The following AK8 variants were observed in gnomAD, a reference collection of about 807,000 sequenced individuals.
AK8 encodes adenylate kinase 8.
AK8 carries 44 observed loss-of-function variants against 54.6 expected under a neutral mutation model. That is an observed-to-expected ratio of 0.81 (90% CI 0.63 to 1.04). The LOEUF is 1.04. AK8 is among the 50% of genes least tolerant of loss of function. The pLI is 0.00. For missense variants in AK8, 555 were observed against 613.6 expected (o/e 0.90, Z 1.01); for synonymous variants, 239 against 245.6 (o/e 0.97, Z 0.25).
chr9:132,789,597 C>CAAAAAA (rs578003731), intron 11 of AK8, among the ~76,000 whole-genome samples: 32 of 57,428 alleles, frequency 5.6e-4, no homozygotes, highest in Admixed American at 1.1e-3. Flanking sequence ...ACTCATCTCA[C>CAAAAAA]AAAAAAAAAA....
intron 11 of AK8, among the ~76,000 whole-genome samples, chr9:132,746,331 A>G (rs1837652875): frequency 6.6e-6 from 1 of 152,124 alleles, no homozygotes; most frequent in South Asian, 2.1e-4. Flanking sequence ...CACTTTTGCG[A>G]GTAGGGCCTG....
At chr9:132,812,018 A>G (rs1841038085) in intron 10 of AK8, among the ~76,000 whole-genome samples, 1 of 152,154 alleles carries the variant, frequency 6.6e-6, no homozygotes, top group African/African-American at 2.4e-5. Context: ...CTATCTGGTT[A>G]GTGGGGAATT....
At chr9:132,873,525 A>G (rs1843948994) in intron 2 of AK8, among the ~76,000 whole-genome samples, 1 of 151,928 alleles carries the variant, frequency 6.6e-6, no homozygotes. Flanking sequence ...TTTTTACTTT[A>G]CTTTTACTCT....
chr9:132,827,836 T>A (rs1841936924), intron 7 of AK8, 177 bp downstream of exon 7: 2 of 602,160 alleles, frequency 3.3e-6, no homozygotes, highest in Non-Finnish European at 5.8e-6. Flanking sequence ...TTTCCTCATC[T>A]ACCAGAATGT....
chr9:132,829,848 C>A (rs1479580341), intron 5 of AK8, among the ~76,000 whole-genome samples: 3 of 152,174 alleles, frequency 2.0e-5, no homozygotes, highest in Non-Finnish European at 2.9e-5. Flanking sequence ...AGCCACTGTG[C>A]CTGGCCTTTA....
At chr9:132,859,514 A>AC (rs1554805090) in intron 4 of AK8, among the ~76,000 whole-genome samples, 1 of 148,678 alleles carries the variant, frequency 6.7e-6, no homozygotes, top group African/African-American at 2.5e-5. Context: ...ACCCAGCCAG[A>AC]TTTTTTTTTT....
At chr9:132,827,075 A>G (rs1249547840) in intron 7 of AK8, 21 bp from the exon 8 acceptor site, 1 of 1,611,802 alleles carries the variant, frequency 6.2e-7, no homozygotes, top group African/African-American at 1.3e-5. Context: ...AGAGGTGCAC[A>G]GTTAGAAATG....
intron 11 of AK8, among the ~76,000 whole-genome samples, chr9:132,751,679 G>A (rs1389840164): frequency 2.0e-5 from 3 of 151,802 alleles, no homozygotes; most frequent in African/African-American, 7.2e-5. Flanking sequence ...CTTGTGTGAC[G>A]GCTGACGAGC....
chr9:132,777,574 T>C (rs1839276950), intron 11 of AK8, among the ~76,000 whole-genome samples: 1 of 152,220 alleles, frequency 6.6e-6, no homozygotes, highest in Non-Finnish European at 1.5e-5. Context: ...CAATTCATCA[T>C]TCCCACCCAT....
chr9:132,725,614 C>G lies in AK8; in HGVS notation c.*74G>C, dbSNP rs1254318507. The G allele has an allele frequency of 5.2e-6, 7 of 1,342,034 alleles. No homozygotes were observed. In the African/African-American group the frequency reaches 5.8e-5, roughly 11 times the overall value. The allele number at this position is 1,342,034 out of a possible 1,614,324, so 83.1% of individuals were successfully genotyped here. A position where few individuals can be genotyped will look rare whatever the true frequency, so the allele number is the denominator to read the frequency against. On this transcript the variant is annotated 3_prime_UTR_variant, in exon 13 of 13. Coordinates refer to ENST00000298545, the MANE Select transcript of AK8 (RefSeq NM_152572.3). ...AGGCTTTATTGGCTTTTTAGGGGAG[C>G]TGTGCCGAGGCTGGGGGGCTGGGGG... is the stretch of plus-strand genomic sequence containing the variant.
intron 2 of AK8, among the ~76,000 whole-genome samples, chr9:132,874,861 G>A (rs1206490481): frequency 6.6e-6 from 1 of 152,166 alleles, no homozygotes; most frequent in Admixed American, 6.5e-5. Context: ...AACTTGGCAA[G>A]AGAATTTTTA....
chr9:132,804,957 C>T (rs112248005), intron 10 of AK8, among the ~76,000 whole-genome samples: 60 of 152,324 alleles, frequency 3.9e-4, no homozygotes, highest in African/African-American at 1.2e-3. Flanking sequence ...TCCCGTCAGG[C>T]GAGGATGTTC....
rs1227888688 is a variant in AK8, at chr9:132,763,228, T to G, written c.1121+29406A>C. ...TTTTGGGGGAAAGTCACAACAAATT[T>G]TAAAGAATTGATATCATATCAAGTA... On this transcript the variant is annotated intron_variant, in intron 11 of 12. Coordinates refer to ENST00000298545, the MANE Select transcript of AK8 (RefSeq NM_152572.3). 2.0e-5 allele frequency among the ~76,000 whole-genome samples: 3 copies of G among 152,152 alleles called. No individual in the cohort carries two copies. The East Asian group carries it at 5.8e-4, about 29-fold the overall frequency.
intron 6 of AK8, 68 bp downstream of exon 6, chr9:132,828,577 G>T: frequency 7.1e-7 from 1 of 1,411,996 alleles, no homozygotes; most frequent in Non-Finnish European, 9.8e-7. Flanking sequence ...CAGCATGAGC[G>T]GGGCGCTCAC....
chr9:132,726,375 C>T (rs554412148), intron 12 of AK8, among the ~76,000 whole-genome samples: 3 of 151,074 alleles, frequency 2.0e-5, no homozygotes, highest in East Asian at 3.9e-4. Flanking sequence ...AGTGCAGTGG[C>T]GCGATCTTCG....
chr9:132,787,747 A>T (rs215157), intron 11 of AK8, among the ~76,000 whole-genome samples: 2 of 151,988 alleles, frequency 1.3e-5, no homozygotes, highest in Non-Finnish European at 2.9e-5. Context: ...TGTTGTGTAC[A>T]GGCATAAAGG....
intron 10 of AK8, among the ~76,000 whole-genome samples, chr9:132,813,590 G>C (rs924472503): frequency 6.6e-6 from 1 of 152,244 alleles, no homozygotes; most frequent in Non-Finnish European, 1.5e-5. Context: ...ATGTGCAGGG[G>C]AGGAAGGTGT....
At chr9:132,765,410 A>G (rs1339704173) in intron 11 of AK8, among the ~76,000 whole-genome samples, 1 of 152,168 alleles carries the variant, frequency 6.6e-6, no homozygotes, top group Non-Finnish European at 1.5e-5. Context: ...CAACAGAATG[A>G]AAGACAGAAA....
chr9:132,767,615 AAAAG>A (rs1838779916), intron 11 of AK8, among the ~76,000 whole-genome samples: 1 of 152,252 alleles, frequency 6.6e-6, no homozygotes, highest in African/African-American at 2.4e-5. Context: ...ATGTGTATCA[AAAAG>A]AAAGAAACTT....
Sources: gnomAD v4.1 joint callset for allele counts (sites outside exome capture counted in the v4.1 genomes callset) on GRCh38, gnomAD v4.1.1 for gene constraint, MANE v1.5 for transcripts, NCBI Gene and HGNC (gene_info 2026-07-23, HGNC 2026-07-21) for gene names.